Variants in IP6K1 observed in about 807,000 individuals in gnomAD.
IP6K1 encodes ATP:1D-myo-inositol-hexakisphosphate phosphotransferase.
In IP6K1, 13 loss-of-function variants were observed where a neutral mutation model predicts 38.3. The ratio of observed to expected loss-of-function variants is 0.34; its 90% CI spans 0.22 to 0.54. The LOEUF is 0.54. Ranked by LOEUF, IP6K1 falls within the 20% of genes least tolerant of loss-of-function variation. The pLI is 0.92. For synonymous variants in IP6K1, 212 were observed against 229.9 expected (o/e 0.92, Z 0.70); for missense variants, 397 against 599.8 (o/e 0.66, Z 3.53).
At chr3:49,735,085 TG>T (rs2080596907) in intron 3 of IP6K1, among the ~76,000 whole-genome samples, 1 of 152,218 alleles carries the variant, frequency 6.6e-6, no homozygotes, top group Non-Finnish European at 1.5e-5. Context: ...CTGGGCGCAG[TG>T]GCTCATGCCT....
At chr3:49,779,022 T>A (rs985802947) in intron 1 of IP6K1, among the ~76,000 whole-genome samples, 2 of 152,142 alleles carry the variant, frequency 1.3e-5, no homozygotes, top group Non-Finnish European at 2.9e-5. Context: ...GTATAAAATT[T>A]AAAAAAAGTA....
At chr3:49,761,438 C>T (rs2080867322) in intron 1 of IP6K1, among the ~76,000 whole-genome samples, 1 of 151,718 alleles carries the variant, frequency 6.6e-6, no homozygotes, top group South Asian at 2.1e-4. Context: ...CATGGTGAAA[C>T]CCCATCTCTA....
chr3:49,773,104 C>A lies in IP6K1; in HGVS notation c.-129+13250G>T, dbSNP rs116126974. On this transcript the variant is annotated intron_variant, in intron 1 of 5. Coordinates refer to ENST00000321599, the MANE Select transcript of IP6K1 (RefSeq NM_153273.4). ...CCTCTCAAAGTGCTGGAATTACAGG[C>A]ATGAGCCATTGCACCTGGCCAATTA... 4.7e-3 allele frequency among the ~76,000 whole-genome samples: 709 copies of A among 152,298 alleles called. 5 individuals carry two copies. Among genetic ancestry groups the A allele is most frequent in the African/African-American group, 0.016 (677 of 41,560 alleles).
At chr3:49,751,217 G>T (rs895142412) in intron 1 of IP6K1, among the ~76,000 whole-genome samples, 1 of 151,948 alleles carries the variant, frequency 6.6e-6, no homozygotes, top group East Asian at 1.9e-4. Context: ...GTGCAGTGGC[G>T]CGATCTCGGC....
At chr3:49,780,155 C>T (rs553109293) in intron 1 of IP6K1, among the ~76,000 whole-genome samples, 1 of 152,000 alleles carries the variant, frequency 6.6e-6, no homozygotes, top group African/African-American at 2.4e-5. Flanking sequence ...CAAAAGAGAT[C>T]AGCAGATTTT....
At chr3:49,734,504 A>G (rs756733214) in intron 3 of IP6K1, among the ~76,000 whole-genome samples, 4 of 148,408 alleles carry the variant, frequency 2.7e-5, no homozygotes, top group South Asian at 2.1e-4. Context: ...ACTGTGTGGC[A>G]TAAGTCGCAC....
chr3:49,734,880 G>A (rs1167747247), intron 3 of IP6K1, among the ~76,000 whole-genome samples: 3 of 152,154 alleles, frequency 2.0e-5, no homozygotes, highest in African/African-American at 4.8e-5. Context: ...CTGGAATGAC[G>A]GTCTCTCTGC....
chr3:49,768,749 G>T (rs578185044), intron 1 of IP6K1, among the ~76,000 whole-genome samples: 27 of 152,214 alleles, frequency 1.8e-4, no homozygotes, highest in African/African-American at 5.1e-4. Context: ...CAGCCTCGGT[G>T]ACAGAGTGAG....
Position 49,786,387 on chromosome 3 carries a change from CCTACGGGAGCT to C in IP6K1, c.-173_-163del, listed in dbSNP as rs2081113618. ...CCCGGGCACCGAGCGCCCACGGCTCCCTACGGGAGCTGGGCCCCCCGGGCCTCCAGGTTTCG... is the reference window on the plus strand; with the variant it reads ...CCCGGGCACCGAGCGCCCACGGCTCCGGGCCCCCCGGGCCTCCAGGTTTCG... On this transcript the variant is annotated 5_prime_UTR_variant, in exon 1 of 6. Transcript: ENST00000321599. 1 of 152,228 alleles carries C rather than the reference CCTACGGGAGCT, an allele frequency of 6.6e-6. No individual in the cohort carries two copies. Among genetic ancestry groups the C allele is most frequent in the African/African-American group, 2.4e-5 (1 of 41,454 alleles). The allele number at this position is 152,228 out of a possible 1,614,324, so 9.4% of individuals were successfully genotyped here.
intron 1 of IP6K1, among the ~76,000 whole-genome samples, chr3:49,761,408 C>G (rs557639515): frequency 6.6e-6 from 1 of 151,730 alleles, no homozygotes; most frequent in Non-Finnish European, 1.5e-5. Flanking sequence ...GGGCGGATCA[C>G]GAGGTCAGGA....
At chr3:49,757,715 G>A (rs899145800) in intron 1 of IP6K1, among the ~76,000 whole-genome samples, 1 of 151,796 alleles carries the variant, frequency 6.6e-6, no homozygotes, top group East Asian at 1.9e-4. Flanking sequence ...GTGAGTCCCT[G>A]TCTCAAAAAT....
intron 1 of IP6K1, among the ~76,000 whole-genome samples, chr3:49,775,993 T>C (rs2081005406): frequency 6.6e-6 from 1 of 151,278 alleles, no homozygotes; most frequent in African/African-American, 2.4e-5. Context: ...AAAAACATGA[T>C]CTTGCAGCAG....
intron 1 of IP6K1, 104 bp from the exon 2 acceptor site, chr3:49,748,272 A>G (rs2080740723): frequency 1.8e-6 from 1 of 562,494 alleles, no homozygotes; most frequent in Non-Finnish European, 3.2e-6. Context: ...GTTCCCTACT[A>G]TGTGTATCCC....
At chr3:49,774,007 ACACACACACAC>A (rs1037824723) in intron 1 of IP6K1, among the ~76,000 whole-genome samples, 37 of 143,706 alleles carry the variant, frequency 2.6e-4, no homozygotes, top group African/African-American at 9.6e-4. Context: ...ACACACACAC[ACACACACACAC>A]AACACACACA....
chr3:49,745,803 G>C (rs111602813), intron 2 of IP6K1, among the ~76,000 whole-genome samples: 1 of 148,922 alleles, frequency 6.7e-6, no homozygotes, highest in African/African-American at 2.5e-5. Context: ...GCAGTGAGCC[G>C]AGATCGTGCC....
In IP6K1 at chr3:49,770,098, C is replaced by T. The variant is rs1188407829; in HGVS notation, c.-129+16256G>A. ...ATGCCTGTAGTTCCAGCTTGAGAGGCTGAGTTGGGAGGATCACTCAAGCCC... is the reference window on the plus strand; with the variant it reads ...ATGCCTGTAGTTCCAGCTTGAGAGGTTGAGTTGGGAGGATCACTCAAGCCC... On this transcript the variant is annotated intron_variant, in intron 1 of 5. Coordinates refer to ENST00000321599, the MANE Select transcript of IP6K1 (RefSeq NM_153273.4). 4.6e-5 allele frequency among the ~76,000 whole-genome samples: 7 copies of T among 152,188 alleles called. No homozygotes were observed. In the East Asian group the frequency reaches 9.7e-4, roughly 21 times the overall value.
At chr3:49,752,678 A>G (rs1017876444) in intron 1 of IP6K1, among the ~76,000 whole-genome samples, 3 of 149,848 alleles carry the variant, frequency 2.0e-5, no homozygotes, top group African/African-American at 7.4e-5. Flanking sequence ...CTGGTCTTTA[A>G]CTCCCGACCT....
At position 49,739,193 on chromosome 3, in the gene IP6K1, C is replaced by T. The variant is rs192659417; in HGVS notation, c.224-771G>A. Among the ~76,000 whole-genome samples the T allele has an allele frequency of 2.2e-4, 33 of 152,226 alleles. No individual in the cohort carries two copies. In the East Asian group the frequency reaches 6.2e-3, roughly 28 times the overall value. On this transcript the variant is annotated intron_variant, in intron 2 of 5. Transcript: ENST00000321599. The stretch of plus-strand genomic sequence containing the variant: ...CTCACTTCCACATCCCACCTTTTGT[C>T]TGTCAGCTACATTTCTGCTTTTATA...
chr3:49,779,483 G>A (rs2081046701), intron 1 of IP6K1, among the ~76,000 whole-genome samples: 2 of 152,148 alleles, frequency 1.3e-5, no homozygotes, highest in African/African-American at 4.8e-5. Context: ...TAGATAGCCA[G>A]GAGGGAGATT....
Sources: gnomAD v4.1 joint callset for allele counts (sites outside exome capture counted in the v4.1 genomes callset) on GRCh38, gnomAD v4.1.1 for gene constraint, MANE v1.5 for transcripts, NCBI Gene and HGNC (gene_info 2026-07-23, HGNC 2026-07-21) for gene names.